Variants in MAP2K4 observed in about 807,000 individuals in gnomAD.
MAP2K4 encodes the protein mitogen-activated protein kinase kinase 4, also known as dual specificity mitogen-activated protein kinase kinase 4.
Under a neutral mutation model 48.5 loss-of-function variants are expected in MAP2K4, and 4 were observed. The observed-to-expected ratio is 0.08, with a 90% CI of 0.04 to 0.19. The LOEUF (loss-of-function observed/expected upper bound fraction) is 0.19, where lower values mean the gene tolerates loss of function less well. Among genes scored for constraint, MAP2K4 ranks in the 10% least tolerant of loss-of-function variants. MAP2K4 has a pLI of 1.00. For missense variants in MAP2K4, 258 were observed against 493.3 expected, an observed-to-expected ratio of 0.52 and a Z score of 4.52; for synonymous variants, 166 against 173.1, an observed-to-expected ratio of 0.96 and a Z score of 0.32.
chr17:12,110,976 C>T, intron 6 of MAP2K4, among the ~76,000 whole-genome samples: 1 of 152,084 alleles, frequency 6.6e-6, no homozygotes, highest in Non-Finnish European at 1.5e-5. Context: ...AGTTGAAGGC[C>T]AGACCTAGAA....
chr17:12,125,368 A>G lies in MAP2K4; in HGVS notation c.888A>G (p.Thr296=), dbSNP rs377585343. The G allele has an allele frequency of 1.6e-5, 26 of 1,613,586 alleles. 1 individual carries two copies. The highest frequency in any genetic ancestry group is 1.6e-4 in the Middle Eastern group (1 of 6,082). ...VRSDVWSLGI[T]LYELATGRFP... ...CTGATGTCTGGAGTTTGGGGATCAC[A>G]TTGGTATGTTTATGCTGATTCAACC... The change falls in exon 8 of 11, where the codon ACA becomes ACG. Residue 296 remains threonine (T), a synonymous_variant. Coordinates refer to ENST00000353533, the MANE Select transcript of MAP2K4 (RefSeq NM_003010.4).
At chr17:12,123,351 C>A (rs1312732741) in intron 7 of MAP2K4, among the ~76,000 whole-genome samples, 3 of 152,078 alleles carry the variant, frequency 2.0e-5, no homozygotes, top group Non-Finnish European at 2.9e-5. Context: ...GAAAATATTT[C>A]TGTTTCATCT....
At chr17:12,049,879 A>G (rs555517782) in intron 1 of MAP2K4, among the ~76,000 whole-genome samples, 61 of 152,290 alleles carry the variant, frequency 4.0e-4, no homozygotes, top group African/African-American at 1.3e-3. Flanking sequence ...TTTTGTGACA[A>G]TCTACCAAAT....
intron 1 of MAP2K4, among the ~76,000 whole-genome samples, chr17:12,054,400 C>T (rs771097737): frequency 5.9e-5 from 9 of 151,986 alleles, no homozygotes; most frequent in Non-Finnish European, 1.2e-4. Context: ...ATTTAGAATA[C>T]TTGTATTACT....
In MAP2K4 at chr17:12,076,279, C is replaced by CTGTGTGTG. The variant is rs372806903; in HGVS notation, c.219-5037_219-5030dup. Among the ~76,000 whole-genome samples the CTGTGTGTG allele has an allele frequency of 9.0e-3, 1,213 of 135,208 alleles. 13 individuals are homozygous for CTGTGTGTG. The highest frequency in any genetic ancestry group is 0.01 in the Non-Finnish European group (656 of 63,176). The allele number at this position is 135,208 out of a possible 152,430, so 88.7% of individuals were successfully genotyped here. On this transcript the variant is annotated intron_variant, in intron 2 of 10. Coordinates refer to ENST00000353533, the MANE Select transcript of MAP2K4 (RefSeq NM_003010.4). ...TGTTCTGGGACATTATGTCACAGTT[C>CTGTGTGTG]TGTGTGTGTGTGTGTGTGTGTGTGT...
At chr17:12,116,794 G>A (rs1311131157) in intron 7 of MAP2K4, among the ~76,000 whole-genome samples, 1 of 152,128 alleles carries the variant, frequency 6.6e-6, no homozygotes, top group African/African-American at 2.4e-5. Flanking sequence ...AATACCTCCT[G>A]AAAGACCTGC....
intron 3 of MAP2K4, among the ~76,000 whole-genome samples, chr17:12,082,607 CTT>C (rs1319119735): frequency 6.6e-6 from 1 of 151,868 alleles, no homozygotes; most frequent in Non-Finnish European, 1.5e-5. Context: ...TGAGCCAAAC[CTT>C]ACTGTAACTA....
chr17:12,092,323 C>T (rs1971588999), intron 3 of MAP2K4, among the ~76,000 whole-genome samples: 1 of 152,102 alleles, frequency 6.6e-6, no homozygotes. Context: ...TTGTTACTTC[C>T]ATTTTTCTGT....
At chr17:12,141,048 G>GT (rs1973362978) in intron 10 of MAP2K4, 99 bp from the exon 11 acceptor site, 1 of 725,328 alleles carries the variant, frequency 1.4e-6, no homozygotes, top group African/African-American at 1.8e-5. Context: ...GCTATGTGTG[G>GT]TTGGGAGCCT....
intron 1 of MAP2K4, among the ~76,000 whole-genome samples, chr17:12,022,061 A>G (rs1314718342): frequency 6.6e-6 from 1 of 152,208 alleles, no homozygotes; most frequent in Non-Finnish European, 1.5e-5. Flanking sequence ...TATTAACAGA[A>G]TAAGGGTTGG....
intron 4 of MAP2K4, among the ~76,000 whole-genome samples, chr17:12,096,094 C>G (rs1219957055): frequency 9.5e-6 from 1 of 105,374 alleles, no homozygotes; most frequent in Non-Finnish European, 2.1e-5. Context: ...CCCCCGCCGC[C>G]AACTTTATAT....
Position 12,063,117 on chromosome 17 carries a change from ACATTTTGAT to A in MAP2K4, c.218+8127_218+8135del, listed in dbSNP as rs1216843472. Among the ~76,000 whole-genome samples, 7 of 152,192 alleles carry A rather than the reference ACATTTTGAT, an allele frequency of 4.6e-5. No homozygotes were observed. In the East Asian group the frequency reaches 1.3e-3, roughly 29 times the overall value. ...AGACTTTTAAAATATGTGTAATGTG[ACATTTTGAT>A]TCTAAAATATGTATGAAAATGCAAA... On this transcript the variant is annotated intron_variant, in intron 2 of 10. Coordinates refer to ENST00000353533, the MANE Select transcript of MAP2K4 (RefSeq NM_003010.4).
intron 9 of MAP2K4, among the ~76,000 whole-genome samples, chr17:12,137,542 A>C (rs1012514793): frequency 1.1e-4 from 17 of 152,206 alleles, no homozygotes; most frequent in African/African-American, 4.1e-4. Flanking sequence ...AGACAAAATT[A>C]GGGAAATAGG....
chr17:12,125,675 C>T lies in MAP2K4; in HGVS notation c.891+304C>T, dbSNP rs28921069. Among the ~76,000 whole-genome samples the T allele has an allele frequency of 3.3e-4, 51 of 152,250 alleles. 1 individual carries two copies. In the East Asian group the frequency reaches 9.8e-3, roughly 29 times the overall value. On this transcript the variant is annotated intron_variant, in intron 8 of 10. Coordinates refer to ENST00000353533, the MANE Select transcript of MAP2K4 (RefSeq NM_003010.4). ...GCACTAAGAATGGGAACAGGACAAGCCAGCTTACCTGCAGTCAATTCATTG... is the reference window on the plus strand; with the variant it reads ...GCACTAAGAATGGGAACAGGACAAGTCAGCTTACCTGCAGTCAATTCATTG...
intron 2 of MAP2K4, chr17:12,069,672 A>T: frequency 2.0e-6 from 2 of 1,005,638 alleles, no homozygotes; most frequent in Non-Finnish European, 2.4e-6. Context: ...CACAGCAAAG[A>T]TACTCATTTG....
rs571553038 is a variant in MAP2K4, at chr17:12,052,867, G to A, written c.116-2022G>A. Among the ~76,000 whole-genome samples, 3 of 152,212 alleles carry A rather than the reference G, an allele frequency of 2.0e-5. No homozygotes were observed. In the South Asian group the frequency reaches 6.2e-4, roughly 32 times the overall value. Reference sequence around the variant, plus strand: ...TAGTATCTTTGGGGACCACCATTCAGCCCATTACAGTCTGTTTTCTGGGCC... The same window carrying A: ...TAGTATCTTTGGGGACCACCATTCAACCCATTACAGTCTGTTTTCTGGGCC... On this transcript the variant is annotated intron_variant, in intron 1 of 10. Coordinates refer to ENST00000353533, the MANE Select transcript of MAP2K4 (RefSeq NM_003010.4).
chr17:12,133,027 A>T (rs28922569), intron 9 of MAP2K4, among the ~76,000 whole-genome samples: 1 of 152,142 alleles, frequency 6.6e-6, no homozygotes, highest in Admixed American at 6.6e-5. Flanking sequence ...TCTGGAACCA[A>T]TGCCTGCTTT....
At chr17:12,021,776 A>G (rs1171341563) in intron 1 of MAP2K4, among the ~76,000 whole-genome samples, 1 of 152,030 alleles carries the variant, frequency 6.6e-6, no homozygotes, top group African/African-American at 2.4e-5. Flanking sequence ...TTTGGTTTAA[A>G]TGGAGAGATA....
At chr17:12,054,778 CTGTT>C (rs1970237668) in intron 1 of MAP2K4, 107 bp from the exon 2 acceptor site, 3 of 613,190 alleles carry the variant, frequency 4.9e-6, no homozygotes, top group South Asian at 2.2e-5. Context: ...CCTATATTAA[CTGTT>C]TGTTAAAGCA....
Sources: allele counts gnomAD v4.1 joint callset (sites outside exome capture counted in the v4.1 genomes callset), GRCh38; gene constraint gnomAD v4.1.1; transcripts MANE v1.5; gene names NCBI Gene and HGNC (gene_info 2026-07-23, HGNC 2026-07-21).